Variants in COCH observed in about 807,000 individuals in gnomAD.
The protein encoded by COCH is cochlin, also known as coagulation factor C homolog, cochlin (Limulus polyphemus).
COCH carries 40 observed loss-of-function variants against 54.8 expected under a neutral mutation model. The observed-to-expected ratio is 0.73, with a 90% CI of 0.57 to 0.95. COCH has a LOEUF of 0.95. Among genes scored for constraint, COCH ranks in the 40% least tolerant of loss-of-function variants. The pLI is 0.00. For missense variants in COCH, 605 were observed against 675.0 expected, an observed-to-expected ratio of 0.90 and a Z score of 1.15; for synonymous variants, 256 against 237.9, an observed-to-expected ratio of 1.08 and a Z score of -0.70.
intron 3 of COCH, 195 bp downstream of exon 3, chr14:30,875,298 G>A: frequency 2.5e-6 from 2 of 812,858 alleles, no homozygotes; most frequent in Non-Finnish European, 3.8e-6. Context: ...TTTCTCCCAT[G>A]GTAGGGGGCC....
rs766938007 is a variant in COCH at position 30,877,663 on chromosome 14, A to AT, written c.176dup (p.Ser60LeufsTer35). Reference sequence around the variant, plus strand: ...GCCCAGGGGGCTGCCCTCTTGAGGAATTCTCTGTGTATGGGAACATAGTAT... The same window carrying AT: ...GCCCAGGGGGCTGCCCTCTTGAGGAATTTCTCTGTGTATGGGAACATAGTAT... On this transcript the variant is annotated frameshift_variant, in exon 4 of 12. Coordinates refer to ENST00000396618, the MANE Select transcript of COCH (RefSeq NM_004086.3). LOFTEE classifies it high-confidence loss of function. The surrounding 1 kb of genome is among the most constrained non-coding windows in gnomAD (Gnocchi z 8.6). 1 of 1,614,208 alleles carries AT rather than the reference A, an allele frequency of 6.2e-7. No homozygotes were observed. Among genetic ancestry groups the AT allele is most frequent in the Non-Finnish European group, 8.5e-7 (1 of 1,180,032 alleles).
In COCH at chr14:30,889,811, G is replaced by A. The variant is rs1594391574; in HGVS notation, c.*20G>A. The A allele has an allele frequency of 6.2e-7, 1 of 1,604,948 alleles. No individual in the cohort carries two copies. The highest frequency in any genetic ancestry group is 8.5e-7 in the Non-Finnish European group (1 of 1,174,084). ...CAATAATGGTAACATTTTGACAACT[G>A]AAAGAAAAAGTACAAGGGGATCCAG... On this transcript the variant is annotated 3_prime_UTR_variant, in exon 12 of 12. Coordinates refer to ENST00000396618, the MANE Select transcript of COCH (RefSeq NM_004086.3).
chr14:30,879,300 T>C, intron 5 of COCH, 123 bp from the exon 6 acceptor site: 1 of 956,586 alleles, frequency 1.0e-6, no homozygotes. Context: ...TGCAGCAGGA[T>C]GTTTGTAACT....
chr14:30,894,972 GATGAAAAAAAGCTACTCTTGGAGCTC>G (rs1407096842), downstream of COCH: 3 of 975,338 alleles, frequency 3.1e-6, no homozygotes, highest in Admixed American at 6.5e-5. Flanking sequence ...ATCACTAAGA[GATGAAAAAAAGCTACTCTTGGAGCTC>G]ACTTCCCCCA....
chr14:30,883,603 A>T (rs990342760), intron 8 of COCH, among the ~76,000 whole-genome samples: 20 of 152,222 alleles, frequency 1.3e-4, no homozygotes, highest in Admixed American at 1.1e-3. Context: ...GCAGAAATAC[A>T]GTCAGTGTTC....
At chr14:30,882,120 G>GTTTTTTTTTTGTTTT (rs1895618905) in intron 8 of COCH, among the ~76,000 whole-genome samples, 1 of 67,894 alleles carries the variant, frequency 1.5e-5, no homozygotes, top group African/African-American at 6.6e-5. Context: ...CTATAAAATG[G>GTTTTTTTTTTGTTTT]TTTTTTTTTT....
At chr14:30,883,494 A>T (rs116540534) in intron 8 of COCH, among the ~76,000 whole-genome samples, 1 of 152,234 alleles carries the variant, frequency 6.6e-6, no homozygotes, top group African/African-American at 2.4e-5. Flanking sequence ...GACTAATTTC[A>T]TAAGTCATAA....
Position 30,889,616 on chromosome 14 carries a change from G to GAATC in COCH, c.1480_1483dup (p.Thr495AsnfsTer15). 6.2e-7 allele frequency: 1 copy of GAATC among 1,613,490 alleles called. No homozygotes were observed. Among genetic ancestry groups the GAATC allele is most frequent in the Non-Finnish European group, 8.5e-7 (1 of 1,179,492 alleles). ...TCACTTTAAAATGTTTTCATTGTAG[G>GAATC]AATCACTATCTTCTCTGTTGGTGTG... On this transcript the variant is annotated frameshift_variant and splice_region_variant, in exon 12 of 12. Coordinates refer to ENST00000396618, the MANE Select transcript of COCH (RefSeq NM_004086.3). LOFTEE classifies it high-confidence loss of function.
chr14:30,875,313 G>A (rs1430110049), intron 3 of COCH: 1 of 671,672 alleles, frequency 1.5e-6, no homozygotes, highest in Non-Finnish European at 2.5e-6. Flanking sequence ...GGGGCCCCTG[G>A]GGTCCAGTGG....
In COCH at chr14:30,874,957, C is replaced by G; in HGVS notation, c.19C>G (p.Pro7Ala). The change falls in exon 2 of 12, where the codon CCG (proline) becomes GCG (alanine). Residue 7 changes from proline (P) to alanine (A), a missense_variant. Transcript: ENST00000396618. ...AGTCACCATGTCCGCAGCCTGGATC[C>G]CGGCTCTCGGCCTCGGTGGGTGCGC... MSAAWI[P>A]ALGLGVCLLL... The G allele has an allele frequency of 6.2e-7, 1 of 1,613,576 alleles. No individual in the cohort carries two copies. Among genetic ancestry groups the G allele is most frequent in the Non-Finnish European group, 8.5e-7 (1 of 1,179,850 alleles).
At chr14:30,879,744 A>G (rs1895502852) in intron 6 of COCH, among the ~76,000 whole-genome samples, 1 of 152,202 alleles carries the variant, frequency 6.6e-6, no homozygotes, top group Admixed American at 6.5e-5. Context: ...CCTAGGCTCA[A>G]GCAATCTTCT....
At chr14:30,885,297 T>C in intron 9 of COCH, 97 bp from the exon 10 acceptor site, 1 of 1,131,212 alleles carries the variant, frequency 8.8e-7, no homozygotes. Flanking sequence ...GTTCTATATA[T>C]AATTCTTAAA....
rs1337337500 is a variant in COCH at position 30,890,325 on chromosome 14, G to T, written c.*534G>T. On this transcript the variant is annotated 3_prime_UTR_variant, in exon 12 of 12. Coordinates refer to ENST00000396618, the MANE Select transcript of COCH (RefSeq NM_004086.3). ...CTATAAAATCTGGATATAGAAAGGA[G>T]ACCTGTATCAAACTGCTTTTGTAGT... The T allele has an allele frequency of 1.0e-6, 1 of 985,612 alleles. No homozygotes were observed. The highest frequency in any genetic ancestry group is 1.1e-4 in the East Asian group (1 of 8,816). The allele number at this position is 985,612 out of a possible 1,614,324, so 61.1% of individuals were successfully genotyped here.
At chr14:30,894,776 C>A, downstream of COCH, 1 of 224,522 alleles carries the variant, frequency 4.5e-6, no homozygotes. Flanking sequence ...AACTTCAATA[C>A]AATCTTGAGC....
At chr14:30,882,120 G>GTTTTTTTTTTGTTTTTTTGTTT (rs1895618905) in intron 8 of COCH, among the ~76,000 whole-genome samples, 1 of 67,894 alleles carries the variant, frequency 1.5e-5, no homozygotes, top group African/African-American at 6.6e-5. Context: ...CTATAAAATG[G>GTTTTTTTTTTGTTTTTTTGTTT]TTTTTTTTTT....
At chr14:30,886,599 T>C (rs1427440241) in intron 11 of COCH, among the ~76,000 whole-genome samples, 10 of 152,226 alleles carry the variant, frequency 6.6e-5, no homozygotes, top group Non-Finnish European at 1.5e-5. Context: ...ATGAGAACCA[T>C]GTCACATTAA....
chr14:30,895,393 A>G (rs1896114014), downstream of COCH: 1 of 1,584,910 alleles, frequency 6.3e-7, no homozygotes. Context: ...TCTTGTTACG[A>G]TGCAAGTTTT....
chr14:30,880,148 G>A lies in COCH; in HGVS notation c.437-304G>A, dbSNP rs1305263104. ...AGCCAGGGATCCCCTTTTGTATGAC[G>A]ATGGCAGTTTTAAAGTCAAAGATAT... On this transcript the variant is annotated intron_variant, in intron 6 of 11. Coordinates refer to ENST00000396618, the MANE Select transcript of COCH (RefSeq NM_004086.3). Among the ~76,000 whole-genome samples, 10 of 152,248 alleles carry A rather than the reference G, an allele frequency of 6.6e-5. 1 individual carries two copies. In the South Asian group the frequency reaches 1.5e-3, roughly 22 times the overall value.
Position 30,877,819 on chromosome 14 carries a change from T to C in COCH, c.239+91T>C. 1.3e-6 allele frequency: 2 copies of C among 1,590,098 alleles called. No homozygotes were observed. Among genetic ancestry groups the C allele is most frequent in the Non-Finnish European group, 1.7e-6 (2 of 1,169,834 alleles). ...CATCTGGATCCCTTTCCTCCCTGCA[T>C]TCTTTCTTTTGTTGCCATTGTGGCC... On this transcript the variant is annotated intron_variant, in intron 4 of 11. Transcript: ENST00000396618. The surrounding 1 kb of genome is among the most constrained non-coding windows in gnomAD (Gnocchi z 8.6).
Sources: gnomAD v4.1 joint callset for allele counts (sites outside exome capture counted in the v4.1 genomes callset) on GRCh38, gnomAD v4.1.1 for gene constraint, Gnocchi (gnomAD v3.1) non-coding constraint, MANE v1.5 for transcripts, NCBI Gene and HGNC (gene_info 2026-07-23, HGNC 2026-07-21) for gene names.